ANKH: variants seen among roughly 807,000 people sequenced by gnomAD.
ANKH encodes the protein ANKH inorganic pyrophosphate transport regulator.
Under a neutral mutation model 49.0 loss-of-function variants are expected in ANKH, and 15 were observed. The ratio of observed to expected loss-of-function variants is 0.31; its 90% confidence interval spans 0.20 to 0.47. The LOEUF (loss-of-function observed/expected upper bound fraction) is 0.47, where lower values mean the gene tolerates loss of function less well. Ranked by LOEUF, ANKH falls within the 20% of genes least tolerant of loss-of-function variation. The pLI is 1.00. For synonymous variants in ANKH, 273 were observed against 260.0 expected (o/e 1.05, Z -0.48); for missense variants, 429 against 652.0 (o/e 0.66, Z 3.72).
At chr5:14,832,269 G>A (rs529634588) in intron 1 of ANKH, among the ~76,000 whole-genome samples, 2 of 152,110 alleles carry the variant, frequency 1.3e-5, no homozygotes, top group Non-Finnish European at 2.9e-5. Flanking sequence ...CTATTAAAAA[G>A]TTGCTGCCAC....
chr5:14,837,407 G>T (rs976471889), intron 1 of ANKH, among the ~76,000 whole-genome samples: 1 of 152,054 alleles, frequency 6.6e-6, no homozygotes, highest in Non-Finnish European at 1.5e-5. Flanking sequence ...AATCTACAAA[G>T]AACTTAAACA....
chr5:14,731,706 A>AGGGCC lies in ANKH; in HGVS notation c.1011+10116_1011+10120dup, dbSNP rs1193678866. Among the ~76,000 whole-genome samples the AGGGCC allele has an allele frequency of 7.2e-5, 11 of 152,380 alleles. No homozygotes were observed. The East Asian group carries it at 2.1e-3, about 29-fold the overall frequency. ...GAGCCTCGAGGTTGGAAATCCTAGA[A>AGGGCC]GGGCCCAGTCCTTGACTGGAGCTTA... On this transcript the variant is annotated intron_variant, in intron 8 of 11. Coordinates refer to ENST00000284268, the MANE Select transcript of ANKH (RefSeq NM_054027.6).
At position 14,838,670 on chromosome 5, in the gene ANKH, G is replaced by A. The variant is rs148082998; in HGVS notation, c.96+32682C>T. Among the ~76,000 whole-genome samples the A allele has an allele frequency of 1.2e-4, 18 of 152,302 alleles. No homozygotes were observed. In the East Asian group the frequency reaches 2.1e-3, roughly 18 times the overall value. On this transcript the variant is annotated intron_variant, in intron 1 of 11. Coordinates refer to ENST00000284268, the MANE Select transcript of ANKH (RefSeq NM_054027.6). ...TGTAACACAAATACCCAGTCCTGAG[G>A]GGAGCTTTGCTTAATTCCAGCTGGA...
intron 1 of ANKH, among the ~76,000 whole-genome samples, chr5:14,785,725 T>C (rs1203877239): frequency 6.6e-6 from 1 of 152,212 alleles, no homozygotes; most frequent in Non-Finnish European, 1.5e-5. Context: ...CTTTTCATTC[T>C]AATAAAACTC....
intron 6 of ANKH, among the ~76,000 whole-genome samples, chr5:14,747,161 A>G (rs1257101689): frequency 6.6e-6 from 1 of 152,094 alleles, no homozygotes; most frequent in Non-Finnish European, 1.5e-5. Flanking sequence ...TTACAACCCA[A>G]CTCACTCCCA....
rs943812131 is a variant in ANKH, at chr5:14,769,088, C to T, written c.200G>A (p.Ser67Asn). 6.2e-7 allele frequency: 1 copy of T among 1,614,148 alleles called. No homozygotes were observed. The highest frequency in any genetic ancestry group is 8.5e-7 in the Non-Finnish European group (1 of 1,180,030). The change falls in exon 2 of 12, where the codon AGT becomes AAT. Residue 67 changes from serine (S) to asparagine (N), a missense_variant. By Grantham distance (46) the Ser-to-Asn change is conservative. Around this residue, in one of 2 missense-constraint regions of ANKH, gnomAD observed 378 missense variants for 615.3 expected, o/e 0.61. Coordinates refer to ENST00000284268, the MANE Select transcript of ANKH (RefSeq NM_054027.6). ...CACCAGGCCCACATTTTTGAAGTCA[C>T]TCATGGGACCCGTGAAGAACTTCAT... ...SLMKFFTGPMSDFKNVGLVFV... is the reference protein window; with the variant it reads ...SLMKFFTGPMNDFKNVGLVFV...
chr5:14,821,691 T>C (rs1444424910), intron 1 of ANKH, among the ~76,000 whole-genome samples: 1 of 152,218 alleles, frequency 6.6e-6, no homozygotes, highest in Admixed American at 6.5e-5. Flanking sequence ...GGCTGAAAAG[T>C]AGCCTGCTAA....
intron 1 of ANKH, among the ~76,000 whole-genome samples, chr5:14,855,848 G>GAAAAAAAAAAA (rs796584176): frequency 2.5e-5 from 3 of 119,878 alleles, no homozygotes; most frequent in African/African-American, 3.1e-5. Flanking sequence ...AAAAGAAAAA[G>GAAAAAAAAAAA]AAAAAAAAAA....
At chr5:14,835,539 C>A (rs1232950331) in intron 1 of ANKH, among the ~76,000 whole-genome samples, 1 of 152,136 alleles carries the variant, frequency 6.6e-6, no homozygotes, top group Non-Finnish European at 1.5e-5. Context: ...TGTTTCCCAC[C>A]CAGAAACTCT....
intron 1 of ANKH, among the ~76,000 whole-genome samples, chr5:14,791,438 A>C (rs973297558): frequency 6.6e-6 from 1 of 152,224 alleles, no homozygotes; most frequent in African/African-American, 2.4e-5. Context: ...AGCACCTTCT[A>C]TACCAAGTCT....
chr5:14,840,111 T>G (rs1382719344), intron 1 of ANKH, among the ~76,000 whole-genome samples: 1 of 152,206 alleles, frequency 6.6e-6, no homozygotes, highest in Admixed American at 6.5e-5. Flanking sequence ...TCTTGCCTTA[T>G]AAAGGATGGA....
At position 14,751,132 on chromosome 5, in the gene ANKH, C is replaced by G; in HGVS notation, c.624G>C (p.Leu208=). Residue 208 remains leucine, a synonymous_variant, in exon 5 of 12, where the codon CTG becomes CTC. Transcript: ENST00000284268. ...GAATGTTCTTGTAGTAGCCCAGGCA[C>G]AGGGTGGTGCAGCGCACAAGTGCGC... ...YMGALVRCTT[L]CLGYYKNIHD... is the part of the protein sequence containing the mutation. 6.2e-7 allele frequency: 1 copy of G among 1,614,246 alleles called. No homozygotes were observed. Among genetic ancestry groups the G allele is most frequent in the Middle Eastern group, 1.6e-4 (1 of 6,062 alleles).
At chr5:14,793,573 G>A (rs1386910941) in intron 1 of ANKH, among the ~76,000 whole-genome samples, 1 of 152,164 alleles carries the variant, frequency 6.6e-6, no homozygotes, top group East Asian at 1.9e-4. Context: ...AGGGTGAAGA[G>A]GCAGAATAAA....
At chr5:14,786,605 A>G (rs1384088632) in intron 1 of ANKH, among the ~76,000 whole-genome samples, 3 of 152,242 alleles carry the variant, frequency 2.0e-5, no homozygotes, top group African/African-American at 7.2e-5. Context: ...GCCTCAGCCA[A>G]AGTCAGAGAA....
intron 1 of ANKH, among the ~76,000 whole-genome samples, chr5:14,850,332 T>G (rs1365195099): frequency 6.6e-6 from 1 of 152,242 alleles, no homozygotes; most frequent in Non-Finnish European, 1.5e-5. Context: ...GTATTGTGTC[T>G]AGGAAGTAAT....
chr5:14,776,674 T>C (rs1161978500), intron 1 of ANKH, among the ~76,000 whole-genome samples: 1 of 152,218 alleles, frequency 6.6e-6, no homozygotes, highest in Non-Finnish European at 1.5e-5. Flanking sequence ...TAAAGAGGAA[T>C]AGCTATGGTC....
chr5:14,837,404 A>G (rs966361118), intron 1 of ANKH, among the ~76,000 whole-genome samples: 1 of 152,234 alleles, frequency 6.6e-6, no homozygotes, highest in African/African-American at 2.4e-5. Context: ...CAGAATCTAC[A>G]AAGAACTTAA....
At chr5:14,816,412 A>G (rs1381091976) in intron 1 of ANKH, among the ~76,000 whole-genome samples, 1 of 152,114 alleles carries the variant, frequency 6.6e-6, no homozygotes, top group African/African-American at 2.4e-5. Context: ...TTTCCTCACA[A>G]TCCTTTTATT....
Position 14,710,885 on chromosome 5 carries a change from G to T in ANKH, c.*312C>A. ...AGTCCTTTGGTTCCAAGAGGAGATTGTCCAGGGGAGGAGGACACAACGTCA... is the reference window on the plus strand; with the variant it reads ...AGTCCTTTGGTTCCAAGAGGAGATTTTCCAGGGGAGGAGGACACAACGTCA... On this transcript the variant is annotated 3_prime_UTR_variant, in exon 12 of 12. Transcript: ENST00000284268. The T allele has an allele frequency of 2.6e-6, 1 of 388,240 alleles. No homozygotes were observed. The highest frequency in any genetic ancestry group is 4.9e-6 in the Non-Finnish European group (1 of 203,656). The allele number at this position is 388,240 out of a possible 1,614,324, so 24.0% of individuals were successfully genotyped here. A position where few individuals can be genotyped will look rare whatever the true frequency, so the allele number is the denominator to read the frequency against.
Sources: allele counts gnomAD v4.1 joint callset (sites outside exome capture counted in the v4.1 genomes callset), GRCh38; gene constraint gnomAD v4.1.1; regional missense constraint gnomAD v4.1.1; transcripts MANE v1.5; gene names NCBI Gene and HGNC (gene_info 2026-07-23, HGNC 2026-07-21).